Variants in DSCAM observed in about 807,000 individuals in gnomAD.
The protein encoded by DSCAM is cell adhesion molecule DSCAM.
Under a neutral mutation model 217.7 loss-of-function variants are expected in DSCAM, and 47 were observed. The observed-to-expected ratio is 0.22, with a 90% CI of 0.17 to 0.28. The LOEUF is 0.28. Ranked by LOEUF, DSCAM falls within the 10% of genes least tolerant of loss-of-function variation. The pLI is 1.00. For synonymous variants in DSCAM, 1,056 were observed against 1,015.3 expected, an observed-to-expected ratio of 1.04 and a Z score of -0.76; for missense variants, 2,080 against 2,618.3, an observed-to-expected ratio of 0.79 and a Z score of 4.49.
intron 1 of DSCAM, among the ~76,000 whole-genome samples, chr21:40,745,061 T>G (rs1456201769): frequency 6.6e-6 from 1 of 152,088 alleles, no homozygotes; most frequent in Non-Finnish European, 1.5e-5. Context: ...ATAGCAGACT[T>G]AAAGAACCCA....
intron 3 of DSCAM, among the ~76,000 whole-genome samples, chr21:40,468,834 T>G (rs1305456136): frequency 6.6e-6 from 1 of 151,852 alleles, no homozygotes; most frequent in East Asian, 1.9e-4. Flanking sequence ...AACAAAATAA[T>G]AAAGATTTAA....
chr21:40,712,893 A>C (rs1448520698), intron 1 of DSCAM, among the ~76,000 whole-genome samples: 1 of 152,034 alleles, frequency 6.6e-6, no homozygotes, highest in African/African-American at 2.4e-5. Flanking sequence ...GATGCTTACA[A>C]ACTGTGGCCC....
At chr21:40,305,463 T>C (rs1185142384) in intron 9 of DSCAM, among the ~76,000 whole-genome samples, 1 of 151,914 alleles carries the variant, frequency 6.6e-6, no homozygotes, top group Non-Finnish European at 1.5e-5. Flanking sequence ...CATTTGTCAA[T>C]TCTGGCTTTT....
chr21:40,079,613 A>G (rs1450894292), intron 25 of DSCAM, among the ~76,000 whole-genome samples: 2 of 152,150 alleles, frequency 1.3e-5, no homozygotes, highest in Non-Finnish European at 2.9e-5. Flanking sequence ...CTATGCCCAC[A>G]TAGAGCTGCA....
At chr21:40,597,216 A>G (rs79958445) in intron 3 of DSCAM, among the ~76,000 whole-genome samples, 5,252 of 152,234 alleles carry the variant, frequency 0.034, 250 homozygotes, top group African/African-American at 0.1. Flanking sequence ...GCTTCAACTA[A>G]TTTTTGCCTG....
rs898760925 is a variant in DSCAM, at chr21:40,620,382, GAAAGAGAA to G, written c.508+72420_508+72427del. On this transcript the variant is annotated intron_variant, in intron 3 of 32. Transcript: ENST00000400454. ...GAAAAAAGAAAAAGAAAGAAAGAAA[GAAAGAGAA>G]AGAAAGAAAGAAAGGAGGGAGGGAG... 2.1e-3 allele frequency among the ~76,000 whole-genome samples: 191 copies of G among 89,908 alleles called. 5 individuals are homozygous for G. Among genetic ancestry groups the G allele is most frequent in the African/African-American group, 5.5e-3 (158 of 28,988 alleles). 59.0% of individuals were successfully genotyped at this position (89,908 alleles called of 152,430 possible). A position where few individuals can be genotyped will look rare whatever the true frequency, so the allele number is the denominator to read the frequency against.
intron 1 of DSCAM, among the ~76,000 whole-genome samples, chr21:40,839,904 T>A (rs2123679241): frequency 6.6e-6 from 1 of 152,302 alleles, no homozygotes; most frequent in African/African-American, 2.4e-5. Flanking sequence ...GTAGCCTCTT[T>A]CCTTCTTCAT....
At chr21:40,510,211 C>A (rs2076247496) in intron 3 of DSCAM, among the ~76,000 whole-genome samples, 1 of 151,918 alleles carries the variant, frequency 6.6e-6, no homozygotes, top group South Asian at 2.1e-4. Context: ...ATGAGTATAG[C>A]CAGGTCCAAT....
intron 3 of DSCAM, among the ~76,000 whole-genome samples, chr21:40,416,260 CT>C (rs923943170): frequency 4.6e-5 from 7 of 152,194 alleles, no homozygotes; most frequent in African/African-American, 1.7e-4. Context: ...GGTTTCTCCC[CT>C]TTCTGAACTC....
intron 11 of DSCAM, among the ~76,000 whole-genome samples, chr21:40,236,227 A>G (rs1272358270): frequency 7.2e-5 from 11 of 152,216 alleles, no homozygotes; most frequent in Admixed American, 7.2e-4. Flanking sequence ...ATGATATGCC[A>G]AGCACTGAGC....
chr21:40,269,872 G>A (rs1323485612), intron 11 of DSCAM, among the ~76,000 whole-genome samples: 1 of 152,128 alleles, frequency 6.6e-6, no homozygotes, highest in Non-Finnish European at 1.5e-5. Flanking sequence ...GTGCAAGTAC[G>A]CTATTTCCAA....
chr21:40,738,254 C>T (rs1190753486), intron 1 of DSCAM, among the ~76,000 whole-genome samples: 1 of 152,196 alleles, frequency 6.6e-6, no homozygotes, highest in Admixed American at 6.5e-5. Flanking sequence ...TTAAAATGCA[C>T]AACAGGTTGC....
At chr21:40,506,100 T>A (rs1286538367) in intron 3 of DSCAM, among the ~76,000 whole-genome samples, 1 of 152,230 alleles carries the variant, frequency 6.6e-6, no homozygotes, top group African/African-American at 2.4e-5. Context: ...AAGGAACTTT[T>A]TTACTAACGC....
At chr21:40,801,914 C>A (rs2091745308) in intron 1 of DSCAM, among the ~76,000 whole-genome samples, 1 of 152,034 alleles carries the variant, frequency 6.6e-6, no homozygotes, top group Non-Finnish European at 1.5e-5. Context: ...AAAGAGTTTC[C>A]ACTAGAGCAA....
chr21:40,605,435 C>G (rs73905004), intron 3 of DSCAM, among the ~76,000 whole-genome samples: 4 of 152,128 alleles, frequency 2.6e-5, no homozygotes, highest in Non-Finnish European at 5.9e-5. Context: ...TGGGTGCCCT[C>G]GCTGAAAATC....
intron 3 of DSCAM, among the ~76,000 whole-genome samples, chr21:40,531,403 G>A (rs2146109589): frequency 6.6e-6 from 1 of 152,288 alleles, no homozygotes; most frequent in Non-Finnish European, 1.5e-5. Flanking sequence ...CCAAGCTCCT[G>A]CACGGTCCTT....
At chr21:40,771,229 G>A (rs769082114) in intron 1 of DSCAM, among the ~76,000 whole-genome samples, 1 of 152,220 alleles carries the variant, frequency 6.6e-6, no homozygotes, top group Non-Finnish European at 1.5e-5. Flanking sequence ...GAACCATGCT[G>A]CCCATTTTAC....
rs938453128 is a variant in DSCAM at position 40,144,192 on chromosome 21, G to A, written c.3259+299C>T. 2.0e-5 allele frequency among the ~76,000 whole-genome samples: 3 copies of A among 152,264 alleles called. No individual in the cohort carries two copies. The highest frequency in any genetic ancestry group is 2.1e-4 in the South Asian group (1 of 4,836). On this transcript the variant is annotated intron_variant, in intron 17 of 32. Coordinates refer to ENST00000400454, the MANE Select transcript of DSCAM (RefSeq NM_001389.5). This position sits in a 1 kb window ranked among gnomAD's most constrained non-coding sequence, Gnocchi z 4.8. ...TCTGCATTCTCGTGAGACTTCTGCA[G>A]TAATAGAGAGAGCCTTGTTTTCACT...
At chr21:40,632,901 T>A (rs537237499) in intron 3 of DSCAM, among the ~76,000 whole-genome samples, 1 of 152,294 alleles carries the variant, frequency 6.6e-6, no homozygotes, top group African/African-American at 2.4e-5. Context: ...CGATACTCCA[T>A]CACTTTAAGC....
Sources: allele counts gnomAD v4.1 joint callset (sites outside exome capture counted in the v4.1 genomes callset), GRCh38; gene constraint gnomAD v4.1.1; non-coding constraint Gnocchi (gnomAD v3.1); transcripts MANE v1.5; gene names NCBI Gene and HGNC (gene_info 2026-07-23, HGNC 2026-07-21).